Variants in EDIL3 observed in about 807,000 individuals in gnomAD.
EDIL3 encodes EGF-like repeat and discoidin I-like domain-containing protein 3.
EDIL3 carries 37 observed loss-of-function variants against 67.4 expected under a neutral mutation model. That is an observed-to-expected ratio of 0.55 (90% CI 0.42 to 0.72). The LOEUF (loss-of-function observed/expected upper bound fraction) is 0.72, where lower values mean the gene tolerates loss of function less well. Among genes scored for constraint, EDIL3 ranks in the 30% least tolerant of loss-of-function variants. The pLI is 0.00. For synonymous variants in EDIL3, 195 were observed against 196.3 expected, an observed-to-expected ratio of 0.99 and a Z score of 0.05; for missense variants, 527 against 586.3, an observed-to-expected ratio of 0.90 and a Z score of 1.04.
intron 6 of EDIL3, among the ~76,000 whole-genome samples, chr5:84,097,943 A>G (rs1747294349): frequency 6.6e-6 from 1 of 152,052 alleles, no homozygotes. Context: ...TCCAAGACAT[A>G]TTTCTATAAT....
intron 3 of EDIL3, among the ~76,000 whole-genome samples, chr5:84,205,573 A>G (rs1357342670): frequency 1.3e-5 from 2 of 152,262 alleles, no homozygotes; most frequent in East Asian, 1.9e-4. Context: ...ACTATTGATT[A>G]TTGCCACAAT....
At chr5:84,217,611 T>C (rs1287906913) in intron 3 of EDIL3, among the ~76,000 whole-genome samples, 1 of 151,968 alleles carries the variant, frequency 6.6e-6, no homozygotes, top group Non-Finnish European at 1.5e-5. Context: ...AAATCCTCCC[T>C]GAATTTCCAG....
rs371989618 is a variant in EDIL3 at position 84,069,703 on chromosome 5, GGGA to G, written c.652-3100_652-3098del. Among the ~76,000 whole-genome samples the G allele has an allele frequency of 3.1e-4, 47 of 152,260 alleles. No individual in the cohort carries two copies. The East Asian group carries it at 7.5e-3, about 24-fold the overall frequency. ...TATGGGGTGGCGACAGGGAAGTGCT[GGGA>G]GGAGAAGGGCAGGGACCCTGGCGAG... On this transcript the variant is annotated intron_variant, in intron 6 of 10. Transcript: ENST00000296591.
At chr5:84,117,696 T>A (rs933161559) in intron 5 of EDIL3, among the ~76,000 whole-genome samples, 2 of 151,922 alleles carry the variant, frequency 1.3e-5, no homozygotes, top group Non-Finnish European at 2.9e-5. Flanking sequence ...TACCTTAAGC[T>A]TTTAAAGAAA....
At chr5:84,217,515 A>T (rs1055383231) in intron 3 of EDIL3, among the ~76,000 whole-genome samples, 23 of 152,292 alleles carry the variant, frequency 1.5e-4, no homozygotes, top group African/African-American at 5.5e-4. Context: ...CCTTGATAAT[A>T]GAGTTGGGTC....
chr5:84,006,363 C>CAAAAT (rs1745416027), intron 9 of EDIL3, among the ~76,000 whole-genome samples: 1 of 151,572 alleles, frequency 6.6e-6, no homozygotes, highest in South Asian at 2.1e-4. Flanking sequence ...CAAAACAAAA[C>CAAAAT]AAAACAAAAC....
At chr5:84,265,511 G>A (rs747358017) in intron 1 of EDIL3, among the ~76,000 whole-genome samples, 1 of 152,162 alleles carries the variant, frequency 6.6e-6, no homozygotes, top group Non-Finnish European at 1.5e-5. Flanking sequence ...TTTAGATCTT[G>A]ACGAAATTTT....
intron 1 of EDIL3, among the ~76,000 whole-genome samples, chr5:84,274,625 A>T (rs1480854328): frequency 1.3e-5 from 2 of 152,140 alleles, no homozygotes; most frequent in African/African-American, 4.8e-5. Flanking sequence ...ATGTGGAATA[A>T]TTTTTTTAAT....
At position 83,941,383 on chromosome 5, in the gene EDIL3, A is replaced by C. The variant is rs926713924; in HGVS notation, c.*2036T>G. 24 of 152,090 alleles carry C rather than the reference A, an allele frequency of 1.6e-4. No homozygotes were observed. The highest frequency in any genetic ancestry group is 5.5e-4 in the African/African-American group (23 of 41,466). 9.4% of individuals were successfully genotyped at this position (152,090 alleles called of 1,614,324 possible). The stretch of plus-strand genomic sequence containing the variant: ...AACAGGTATCAATAGAAAAAATTAC[A>C]AAACATCATATGAAGCTATAAATAA... On this transcript the variant is annotated 3_prime_UTR_variant, in exon 11 of 11. Transcript: ENST00000296591.
At chr5:84,080,508 T>A (rs1358088584) in intron 6 of EDIL3, among the ~76,000 whole-genome samples, 2 of 152,248 alleles carry the variant, frequency 1.3e-5, no homozygotes, top group Admixed American at 6.5e-5. Flanking sequence ...AATTGCACGC[T>A]CATCAAGGGT....
At chr5:83,993,266 C>T (rs1468188109) in intron 9 of EDIL3, among the ~76,000 whole-genome samples, 8 of 152,122 alleles carry the variant, frequency 5.3e-5, no homozygotes, top group South Asian at 2.1e-4. Flanking sequence ...TCGACCTCCT[C>T]GGCTCAGTTG....
intron 9 of EDIL3, among the ~76,000 whole-genome samples, chr5:84,040,560 A>G (rs1245347418): frequency 6.6e-6 from 1 of 150,518 alleles, no homozygotes; most frequent in Non-Finnish European, 1.5e-5. Context: ...AATTACAGAT[A>G]CGAAAACAGA....
chr5:83,963,452 T>C, intron 9 of EDIL3, 92 bp from the exon 10 acceptor site: 1 of 1,328,050 alleles, frequency 7.5e-7, no homozygotes, highest in South Asian at 1.7e-5. Flanking sequence ...ACTATATATA[T>C]CCTAAAATCA....
chr5:84,065,750 T>G (rs2112240683), intron 7 of EDIL3, among the ~76,000 whole-genome samples: 1 of 152,292 alleles, frequency 6.6e-6, no homozygotes, highest in Non-Finnish European at 1.5e-5. Context: ...GATATATATC[T>G]CTTCTATCAC....
At chr5:84,335,901 C>G (rs1746976279) in intron 1 of EDIL3, among the ~76,000 whole-genome samples, 1 of 152,178 alleles carries the variant, frequency 6.6e-6, no homozygotes, top group South Asian at 2.1e-4. Context: ...AAGACTCACT[C>G]TCTTCTGCAA....
intron 1 of EDIL3, among the ~76,000 whole-genome samples, chr5:84,281,325 G>A (rs1483678427): frequency 6.6e-6 from 1 of 152,060 alleles, no homozygotes; most frequent in Non-Finnish European, 1.5e-5. Flanking sequence ...GAGAAATGTG[G>A]GTTCTATCAT....
At chr5:84,270,802 G>A (rs1223524056) in intron 1 of EDIL3, among the ~76,000 whole-genome samples, 3 of 152,124 alleles carry the variant, frequency 2.0e-5, no homozygotes, top group African/African-American at 4.8e-5. Flanking sequence ...CCGACCTAGA[G>A]CCTGACAGAA....
chr5:84,153,754 C>T (rs1425816376), intron 4 of EDIL3, among the ~76,000 whole-genome samples: 1 of 152,202 alleles, frequency 6.6e-6, no homozygotes, highest in African/African-American at 2.4e-5. Flanking sequence ...TGAGCCACCG[C>T]ACCCGGCCTT....
At chr5:83,971,747 G>A (rs1744797703) in intron 9 of EDIL3, among the ~76,000 whole-genome samples, 1 of 151,778 alleles carries the variant, frequency 6.6e-6, no homozygotes, top group South Asian at 2.1e-4. Flanking sequence ...AGTCATATAA[G>A]CTCCTCTTTG....
Sources: allele counts gnomAD v4.1 joint callset (sites outside exome capture counted in the v4.1 genomes callset), GRCh38; gene constraint gnomAD v4.1.1; transcripts MANE v1.5; gene names NCBI Gene and HGNC (gene_info 2026-07-23, HGNC 2026-07-21).